The following RAI1 variants were observed in gnomAD, a reference collection of about 807,000 sequenced individuals.
RAI1 encodes the protein retinoic acid-induced protein 1.
In RAI1, 9 loss-of-function variants were observed where a neutral mutation model predicts 123.8. The observed-to-expected ratio is 0.07, with a 90% CI of 0.04 to 0.13. The LOEUF (loss-of-function observed/expected upper bound fraction) is 0.13. RAI1 is among the 10% of genes least tolerant of loss of function. The pLI, the probability that RAI1 is intolerant of heterozygous loss-of-function variation, is 1.00. For synonymous variants in RAI1, 1,231 were observed against 1,127.3 expected, an observed-to-expected ratio of 1.09 and a Z score of -1.84; for missense variants, 2,256 against 2,545.8, an observed-to-expected ratio of 0.89 and a Z score of 2.45.
At chr17:17,806,443 T>C (rs2032594228) in intron 4 of RAI1, among the ~76,000 whole-genome samples, 1 of 152,178 alleles carries the variant, frequency 6.6e-6, no homozygotes, top group African/African-American at 2.4e-5. Context: ...TCCATGGGAC[T>C]TGATGATGAG....
chr17:17,792,370 C>T (rs541543477), intron 2 of RAI1, among the ~76,000 whole-genome samples: 1 of 152,046 alleles, frequency 6.6e-6, no homozygotes, highest in Non-Finnish European at 1.5e-5. Context: ...CTTGTGTGCA[C>T]GCATGTGCGT....
chr17:17,706,592 T>C (rs1915401868), intron 1 of RAI1, among the ~76,000 whole-genome samples: 1 of 152,130 alleles, frequency 6.6e-6, no homozygotes, highest in African/African-American at 2.4e-5. Context: ...GGGGTGGCCC[T>C]GTGCAGTGAC....
chr17:17,781,957 G>A (rs1340579137), intron 2 of RAI1, among the ~76,000 whole-genome samples: 1 of 152,172 alleles, frequency 6.6e-6, no homozygotes, highest in Non-Finnish European at 1.5e-5. Context: ...CCCCGGGCCG[G>A]CCGCCCCCTT....
At chr17:17,743,214 T>C (rs1387310797) in intron 2 of RAI1, among the ~76,000 whole-genome samples, 2 of 152,178 alleles carry the variant, frequency 1.3e-5, no homozygotes, top group African/African-American at 4.8e-5. Context: ...GGTCTCCAAC[T>C]CCTGGGTTCA....
At chr17:17,782,381 T>C (rs2031618815) in intron 2 of RAI1, among the ~76,000 whole-genome samples, 1 of 151,500 alleles carries the variant, frequency 6.6e-6, no homozygotes, top group South Asian at 2.1e-4. Context: ...GAGGTGGCGT[T>C]GGGGAGGGCA....
At position 17,809,232 on chromosome 17, in the gene RAI1, T is replaced by C; in HGVS notation, c.5660-158T>C. ...CCGCGCCGTGGAGTGGAGTGGAGTGTGGAGGGTTTTGTGCAGAATCTGATT... is the reference window on the plus strand; with the variant it reads ...CCGCGCCGTGGAGTGGAGTGGAGTGCGGAGGGTTTTGTGCAGAATCTGATT... On this transcript the variant is annotated intron_variant, in intron 4 of 5. Transcript: ENST00000353383. This position sits in a 1 kb window ranked among gnomAD's most constrained non-coding sequence, Gnocchi z 4.9. The C allele has an allele frequency of 2.6e-6, 2 of 757,176 alleles. No homozygotes were observed. Among genetic ancestry groups the C allele is most frequent in the Admixed American group, 1.8e-5 (1 of 56,280 alleles). The allele number at this position is 757,176 out of a possible 1,614,324, so 46.9% of individuals were successfully genotyped here.
intron 2 of RAI1, among the ~76,000 whole-genome samples, chr17:17,728,274 C>T (rs770597789): frequency 1.4e-5 from 2 of 148,114 alleles, no homozygotes; most frequent in African/African-American, 2.5e-5. Flanking sequence ...GCTGGGTGGG[C>T]GAAGAGAGGG....
chr17:17,719,788 G>C (rs79177541), intron 1 of RAI1, among the ~76,000 whole-genome samples: 103 of 152,288 alleles, frequency 6.8e-4, no homozygotes, highest in African/African-American at 2.4e-3. Context: ...ACGTGACTGG[G>C]AGCAAGTGCA....
intron 2 of RAI1, among the ~76,000 whole-genome samples, chr17:17,746,355 G>C (rs1458950124): frequency 6.6e-6 from 1 of 152,238 alleles, no homozygotes; most frequent in African/African-American, 2.4e-5. Context: ...GGAAACATCT[G>C]TTCAGTCCTC....
At chr17:17,725,257 C>T (rs183575966) in intron 2 of RAI1, among the ~76,000 whole-genome samples, 2 of 152,222 alleles carry the variant, frequency 1.3e-5, no homozygotes, top group East Asian at 3.9e-4. Flanking sequence ...CCTCCAACCT[C>T]AGCCTCCTCC....
chr17:17,795,892 C>G lies in RAI1; in HGVS notation c.2944C>G (p.Pro982Ala). Residue 982 changes from proline (P) to alanine (A), a missense_variant, in exon 3 of 6, where the codon CCC becomes GCC. By Grantham distance (27) the Pro-to-Ala change is conservative (BLOSUM62 -1). Around this residue, in one of 7 missense-constraint regions of RAI1, gnomAD observed 566 missense variants for 616.0 expected, o/e 0.92. Transcript: ENST00000353383. The surrounding 1 kb of genome is among the most constrained non-coding windows in gnomAD (Gnocchi z 5.9). ...CCAGAAGCCCAACAAGCCTGCTGTGCCCGAGGCGCCCATCGCAAAGAAAGA... is the reference window on the plus strand; with the variant it reads ...CCAGAAGCCCAACAAGCCTGCTGTGGCCGAGGCGCCCATCGCAAAGAAAGA... Reference protein sequence around the residue: ...LAQKPNKPAVPEAPIAKKEPV... With the variant: ...LAQKPNKPAVAEAPIAKKEPV... The G allele has an allele frequency of 1.2e-6, 2 of 1,611,780 alleles. No homozygotes were observed. The highest frequency in any genetic ancestry group is 1.7e-6 in the Non-Finnish European group (2 of 1,179,902).
intron 2 of RAI1, among the ~76,000 whole-genome samples, chr17:17,754,120 T>C (rs967695143): frequency 3.3e-5 from 5 of 150,208 alleles, no homozygotes; most frequent in African/African-American, 1.2e-4. Flanking sequence ...ACTGGCCAGC[T>C]GTGCAGCCTG....
intron 1 of RAI1, among the ~76,000 whole-genome samples, chr17:17,722,062 TC>T (rs1915898351): frequency 2.0e-5 from 3 of 152,046 alleles, no homozygotes; most frequent in Admixed American, 2.0e-4. Flanking sequence ...GTCGGTGTGC[TC>T]CTGCCAGAGC....
Position 17,800,190 on chromosome 17 carries a change from C to CTCTCTCTCTCTG in RAI1, c.5565+1688_5565+1689insGTCTCTCTCTCT, listed in dbSNP as rs1567932560. Among the ~76,000 whole-genome samples the CTCTCTCTCTCTG allele has an allele frequency of 7.3e-5, 1 of 13,788 alleles. No individual in the cohort carries two copies. Among genetic ancestry groups the CTCTCTCTCTCTG allele is most frequent in the African/African-American group, 1.2e-4 (1 of 8,680 alleles). The allele number at this position is 13,788 out of a possible 152,430, so 9.0% of individuals were successfully genotyped here. On this transcript the variant is annotated intron_variant, in intron 3 of 5. Transcript: ENST00000353383. The surrounding 1 kb of genome is among the most constrained non-coding windows in gnomAD (Gnocchi z 4.7). ...TTTCTGTCTCTCTCTGTCTCTCTCT[C>CTCTCTCTCTCTG]TCTCTCTCTCTCTCTCTCTCTCTCT...
intron 1 of RAI1, among the ~76,000 whole-genome samples, chr17:17,695,181 C>T (rs1914980243): frequency 6.6e-6 from 1 of 152,150 alleles, no homozygotes; most frequent in African/African-American, 2.4e-5. Flanking sequence ...GGGTCTCGAG[C>T]TCTTCCCCGG....
At chr17:17,689,836 AT>A (rs1188362370) in intron 1 of RAI1, among the ~76,000 whole-genome samples, 1 of 152,046 alleles carries the variant, frequency 6.6e-6, no homozygotes, top group Non-Finnish European at 1.5e-5. Flanking sequence ...TGTTGCTTTT[AT>A]TTCTGCCCTG....
At chr17:17,783,251 A>G (rs1013324582) in intron 2 of RAI1, among the ~76,000 whole-genome samples, 16 of 151,500 alleles carry the variant, frequency 1.1e-4, no homozygotes, top group African/African-American at 3.9e-4. Context: ...GGGCGCGGGG[A>G]CGGGGGGGCG....
rs2143001644 is a variant in RAI1, at chr17:17,793,561, C to A, written c.613C>A (p.Gln205Lys). 6.2e-7 allele frequency: 1 copy of A among 1,613,928 alleles called. No individual in the cohort carries two copies. The highest frequency in any genetic ancestry group is 8.5e-7 in the Non-Finnish European group (1 of 1,179,994). ...CATTGCCTCCCCTCTGCCCTTCCCCCAGGGTACCCACTTTCCTCAGCATTC... is the reference window on the plus strand; with the variant it reads ...CATTGCCTCCCCTCTGCCCTTCCCCAAGGGTACCCACTTTCCTCAGCATTC... ...NDIASPLPFP[Q>K]GTHFPQHSQS... Residue 205 changes from glutamine to lysine, a missense_variant, in exon 3 of 6, where the codon CAG becomes AAG. Gln to Lys is a moderately conservative substitution (Grantham distance 53). This residue lies in a region of RAI1 where 336 missense variants were observed against 349.8 expected (regional missense o/e 0.96). Transcript: ENST00000353383.
chr17:17,770,237 G>A (rs2142994924), intron 2 of RAI1, among the ~76,000 whole-genome samples: 1 of 152,184 alleles, frequency 6.6e-6, no homozygotes, highest in East Asian at 1.9e-4. Context: ...CCAAAGGGCG[G>A]TGGGGTGGCT....
Sources: allele counts gnomAD v4.1 joint callset (sites outside exome capture counted in the v4.1 genomes callset), GRCh38; gene constraint gnomAD v4.1.1; regional missense constraint gnomAD v4.1.1; non-coding constraint Gnocchi (gnomAD v3.1); transcripts MANE v1.5; gene names NCBI Gene and HGNC (gene_info 2026-07-23, HGNC 2026-07-21).